Variants in ARHGAP40 observed in about 807,000 individuals in gnomAD.
ARHGAP40 encodes rho GTPase-activating protein 40.
A neutral mutation model predicts 73.5 loss-of-function variants in ARHGAP40; 43 were observed. That is an observed-to-expected ratio of 0.58 (90% CI 0.46 to 0.75). The LOEUF (loss-of-function observed/expected upper bound fraction) is 0.75. Ranked by LOEUF, ARHGAP40 falls within the 30% of genes least tolerant of loss-of-function variation. The pLI is 0.00. For missense variants in ARHGAP40, 734 were observed against 861.8 expected, an observed-to-expected ratio of 0.85 and a Z score of 1.86; for synonymous variants, 300 against 352.8, an observed-to-expected ratio of 0.85 and a Z score of 1.68.
chr20:38,615,835 C>A (rs768838291), intron 1 of ARHGAP40, among the ~76,000 whole-genome samples: 8 of 152,202 alleles, frequency 5.3e-5, no homozygotes, highest in Non-Finnish European at 8.8e-5. Context: ...CCAAACCCAG[C>A]AGCAATCATT....
At chr20:38,643,954 C>T (rs1208330510) in intron 11 of ARHGAP40, 44 bp downstream of exon 11, 24 of 1,248,202 alleles carry the variant, frequency 1.9e-5, no homozygotes, top group Non-Finnish European at 2.1e-5. Flanking sequence ...GTGCAGCTGC[C>T]GTGCCGCCCC....
chr20:38,601,831 G>A (rs1478431466), exon 1 of ARHGAP40: 3 of 1,218,120 alleles, frequency 2.5e-6, no homozygotes, highest in Non-Finnish European at 3.2e-6. Flanking sequence ...GGGTGTCTGG[G>A]AACTGGGTGC....
At chr20:38,629,292 C>T (rs771951935) in intron 4 of ARHGAP40, among the ~76,000 whole-genome samples, 2 of 152,124 alleles carry the variant, frequency 1.3e-5, no homozygotes, top group African/African-American at 2.4e-5. Flanking sequence ...GCTAGGAAAT[C>T]ATTTCCTGGG....
intron 6 of ARHGAP40, among the ~76,000 whole-genome samples, chr20:38,636,799 C>A (rs1403453703): frequency 1.3e-5 from 2 of 152,184 alleles, no homozygotes; most frequent in Non-Finnish European, 2.9e-5. Flanking sequence ...GTTCATTTCA[C>A]TGCAGCATTG....
chr20:38,623,686 A>G, intron 2 of ARHGAP40, 128 bp downstream of exon 2: 1 of 709,206 alleles, frequency 1.4e-6, no homozygotes, highest in Non-Finnish European at 2.0e-6. Context: ...CTGGTGCAGT[A>G]TCCTCTTCAC....
intron 1 of ARHGAP40, among the ~76,000 whole-genome samples, chr20:38,614,425 G>A (rs1353791014): frequency 1.3e-5 from 2 of 152,072 alleles, no homozygotes; most frequent in African/African-American, 4.8e-5. Context: ...GCACTGGTCA[G>A]CATCATTAGC....
intron 1 of ARHGAP40, among the ~76,000 whole-genome samples, chr20:38,616,935 C>CTTTA (rs3064344): frequency 0.62 from 92,790 of 149,866 alleles, 31,753 homozygotes; most frequent in Non-Finnish European, 0.75. Context: ...GCTTGAGGAA[C>CTTTA]TTTATTTATT....
Position 38,648,654 on chromosome 20 carries a change from T to TGGAGTCA in ARHGAP40, c.1894_1900dup (p.Ala634GlyfsTer9), listed in dbSNP as rs768103120. On this transcript the variant is annotated frameshift_variant, in exon 14 of 15. Coordinates refer to ENST00000373345, the Ensembl canonical transcript of ARHGAP40. LOFTEE classifies it low-confidence loss of function (END_TRUNC). ...TCTCTGTTTTACAGCCATAGGTCCA[T>TGGAGTCA]GGAGTCAGCCAACATCCTCCTCTAT... 1 of 1,305,556 alleles carries TGGAGTCA rather than the reference T, an allele frequency of 7.7e-7. No individual in the cohort carries two copies. The highest frequency in any genetic ancestry group is 1.2e-5 in the South Asian group (1 of 81,004). The allele number at this position is 1,305,556 out of a possible 1,614,324, so 80.9% of individuals were successfully genotyped here.
chr20:38,616,280 C>T (rs764108439), intron 1 of ARHGAP40, among the ~76,000 whole-genome samples: 13 of 152,262 alleles, frequency 8.5e-5, no homozygotes, highest in African/African-American at 1.2e-4. Flanking sequence ...GGCTGTTGCT[C>T]TTCCAGCCTT....
At chr20:38,614,808 G>A (rs908637626) in intron 1 of ARHGAP40, 11 of 699,176 alleles carry the variant, frequency 1.6e-5, no homozygotes, top group East Asian at 5.0e-5. Context: ...ACCATCGCAC[G>A]TTTTTCATGC....
chr20:38,617,742 A>G (rs1189517960), intron 1 of ARHGAP40, among the ~76,000 whole-genome samples: 1 of 152,172 alleles, frequency 6.6e-6, no homozygotes, highest in Non-Finnish European at 1.5e-5. Flanking sequence ...ACTAGAGGCC[A>G]CTCACTGGCT....
In ARHGAP40 at chr20:38,646,150, A is replaced by G. The variant is rs1012854055; in HGVS notation, c.1673A>G (p.His558Arg). ...CTCAAGACTTGGCTGCGGAGGATGCACGCAGACAGGGACAAGGCGGGGGAC... is the reference window on the plus strand; with the variant it reads ...CTCAAGACTTGGCTGCGGAGGATGCGCGCAGACAGGGACAAGGCGGGGGAC... Residue 558 changes from histidine (H) to arginine (R), a missense_variant, in exon 12 of 15, where the codon CAC (histidine) becomes CGC (arginine). Coordinates refer to ENST00000373345, the Ensembl canonical transcript of ARHGAP40. The surrounding 1 kb of genome is among the most constrained non-coding windows in gnomAD (Gnocchi z 4.5). 1.5e-6 allele frequency: 2 copies of G among 1,304,000 alleles called. No homozygotes were observed. Among genetic ancestry groups the G allele is most frequent in the Non-Finnish European group, 2.0e-6 (2 of 988,722 alleles). 80.8% of individuals were successfully genotyped at this position (1,304,000 alleles called of 1,614,324 possible). A position where few individuals can be genotyped will look rare whatever the true frequency, so the allele number is the denominator to read the frequency against.
chr20:38,644,649 A>G (rs906327598), intron 11 of ARHGAP40, among the ~76,000 whole-genome samples: 33 of 6,674 alleles, frequency 4.9e-3, no homozygotes, highest in African/African-American at 0.013. Context: ...TATCCCCCCC[A>G]CCCATCTACT....
intron 2 of ARHGAP40, among the ~76,000 whole-genome samples, 158 bp downstream of exon 2, chr20:38,623,716 G>A (rs536039805): frequency 2.0e-5 from 3 of 152,298 alleles, no homozygotes; most frequent in South Asian, 4.1e-4. Flanking sequence ...TGCTTCACCC[G>A]TGATCCTTAC....
chr20:38,602,523 G>T (rs899957019), intron 1 of ARHGAP40, among the ~76,000 whole-genome samples: 12 of 152,152 alleles, frequency 7.9e-5, no homozygotes, highest in African/African-American at 2.9e-4. Flanking sequence ...TTCCTGCTCA[G>T]CCTGCCACTG....
intron 1 of ARHGAP40, among the ~76,000 whole-genome samples, chr20:38,620,435 A>G (rs1257271383): frequency 6.6e-6 from 1 of 152,216 alleles, no homozygotes; most frequent in Non-Finnish European, 1.5e-5. Context: ...TTCCAAAGAA[A>G]TAATTGCTGC....
intron 10 of ARHGAP40, among the ~76,000 whole-genome samples, chr20:38,643,277 C>A (rs2089030348): frequency 6.6e-6 from 1 of 152,230 alleles, no homozygotes; most frequent in Non-Finnish European, 1.5e-5. Context: ...TCATCACTTT[C>A]TGCTGCTCTT....
At chr20:38,604,402 T>G (rs1196545766) in intron 1 of ARHGAP40, among the ~76,000 whole-genome samples, 1 of 151,720 alleles carries the variant, frequency 6.6e-6, no homozygotes, top group Non-Finnish European at 1.5e-5. Context: ...GTGGTGTTTT[T>G]TTTTTTTTTT....
rs901606709 is a variant in ARHGAP40, at chr20:38,646,257, T to C, written c.1710+70T>C. On this transcript the variant is annotated intron_variant, in intron 12 of 14. Coordinates refer to ENST00000373345, the Ensembl canonical transcript of ARHGAP40. This position sits in a 1 kb window ranked among gnomAD's most constrained non-coding sequence, Gnocchi z 4.5. Reference sequence around the variant, plus strand: ...CAGGAGGGCACCTGGGGCGCGGTGCTTCCCTTCCTCCAGGTCCCCGCTACC... The same window carrying C: ...CAGGAGGGCACCTGGGGCGCGGTGCCTCCCTTCCTCCAGGTCCCCGCTACC... 2 of 1,221,968 alleles carry C rather than the reference T, an allele frequency of 1.6e-6. No individual in the cohort carries two copies. Among genetic ancestry groups the C allele is most frequent in the Non-Finnish European group, 2.1e-6 (2 of 943,794 alleles). 75.7% of individuals were successfully genotyped at this position (1,221,968 alleles called of 1,614,324 possible).
Sources: allele counts gnomAD v4.1 joint callset (sites outside exome capture counted in the v4.1 genomes callset), GRCh38; gene constraint gnomAD v4.1.1; non-coding constraint Gnocchi (gnomAD v3.1); transcripts MANE v1.5; gene names NCBI Gene and HGNC (gene_info 2026-07-23, HGNC 2026-07-21).